Variants in DYNC2I1 observed in about 807,000 individuals in gnomAD.
The protein encoded by DYNC2I1 is cytoplasmic dynein 2 intermediate chain 1.
Under a neutral mutation model 133.4 loss-of-function variants are expected in DYNC2I1, and 89 were observed. The ratio of observed to expected loss-of-function variants is 0.67; its 90% CI spans 0.56 to 0.80. The LOEUF (loss-of-function observed/expected upper bound fraction) is 0.80, where lower values mean the gene tolerates loss of function less well. Among genes scored for constraint, DYNC2I1 ranks in the 30% least tolerant of loss-of-function variants. The pLI, the probability that DYNC2I1 is intolerant of heterozygous loss-of-function variation, is 0.00. For synonymous variants in DYNC2I1, 504 were observed against 484.3 expected (o/e 1.04, Z -0.54); for missense variants, 1,291 against 1,314.5 (o/e 0.98, Z 0.28).
chr7:158,927,096 T>C, intron 20 of DYNC2I1, 53 bp downstream of exon 20: 1 of 1,334,678 alleles, frequency 7.5e-7, no homozygotes, highest in African/African-American at 1.5e-5. Context: ...TGAATCGAGA[T>C]TAAAAGTACT....
chr7:158,922,355 A>C (rs1481053210), intron 15 of DYNC2I1, 22 bp from the exon 16 acceptor site: 2 of 1,605,164 alleles, frequency 1.2e-6, no homozygotes, highest in Non-Finnish European at 1.7e-6. Context: ...TTGAAATGTG[A>C]ACATATTTTT....
At chr7:158,843,083 A>G in the DYNC2I1 span, among the ~76,000 whole-genome samples, 1 of 152,166 alleles carries the variant, frequency 6.6e-6, no homozygotes, top group African/African-American at 2.4e-5. Flanking sequence ...CACCTTGCTG[A>G]AGATTGGCTT....
At chr7:158,856,545 G>C (rs909081962), upstream of DYNC2I1, 4 of 488,100 alleles carry the variant, frequency 8.2e-6, no homozygotes, top group African/African-American at 6.0e-5. Context: ...TGCCGGGGAT[G>C]CGCAGGCGCA....
At chr7:158,885,870 A>G (rs938613300) in intron 6 of DYNC2I1, among the ~76,000 whole-genome samples, 1 of 152,034 alleles carries the variant, frequency 6.6e-6, no homozygotes, top group African/African-American at 2.4e-5. Context: ...TTTTTGTTAA[A>G]CCGCATGGTA....
intron 8 of DYNC2I1, among the ~76,000 whole-genome samples, chr7:158,896,739 C>G (rs1450338780): frequency 2.0e-5 from 3 of 152,124 alleles, no homozygotes; most frequent in Non-Finnish European, 4.4e-5. Context: ...TCCCAGAGTG[C>G]TGGGATTACA....
chr7:158,910,341 C>T (rs1361201485), intron 11 of DYNC2I1, among the ~76,000 whole-genome samples: 2 of 146,330 alleles, frequency 1.4e-5, no homozygotes, highest in African/African-American at 5.2e-5. Flanking sequence ...GTGGGTGGAG[C>T]ATGATGGGCT....
chr7:158,855,385 C>T (rs1403432171), upstream of DYNC2I1, among the ~76,000 whole-genome samples: 2 of 152,144 alleles, frequency 1.3e-5, no homozygotes, highest in Admixed American at 1.3e-4. Flanking sequence ...GCTGATCCAT[C>T]AAGTGCAGGT....
chr7:158,862,567 A>AG, intron 1 of DYNC2I1, among the ~76,000 whole-genome samples: 1 of 151,360 alleles, frequency 6.6e-6, no homozygotes, highest in Non-Finnish European at 1.5e-5. Flanking sequence ...AAAAAAAAAA[A>AG]AAAAAGCCTG....
intron 8 of DYNC2I1, among the ~76,000 whole-genome samples, chr7:158,901,199 T>C (rs201461165): frequency 1.3e-5 from 2 of 152,098 alleles, no homozygotes; most frequent in East Asian, 3.9e-4. Context: ...GCCTCTGGAG[T>C]AGCTGGGAAC....
At chr7:158,850,918 T>A in the DYNC2I1 span, among the ~76,000 whole-genome samples, 1 of 151,602 alleles carries the variant, frequency 6.6e-6, no homozygotes, top group Non-Finnish European at 1.5e-5. Flanking sequence ...GCTGCTGGAG[T>A]CTACGGAGCC....
upstream of DYNC2I1, chr7:158,856,554 C>G: frequency 1.9e-6 from 1 of 536,828 alleles, no homozygotes. Flanking sequence ...TGCGCAGGCG[C>G]ACTGGGAGAG....
At chr7:158,938,645 A>G (rs1851018747) in intron 23 of DYNC2I1, among the ~76,000 whole-genome samples, 1 of 152,188 alleles carries the variant, frequency 6.6e-6, no homozygotes, top group Non-Finnish European at 1.5e-5. Flanking sequence ...AATCCCAGCT[A>G]CTAAGGAAGC....
chr7:158,926,240 A>G lies in DYNC2I1; in HGVS notation c.2311A>G (p.Ile771Val). The part of the protein sequence containing the change: ...HRSPLQAVEP[I>V]STSVHKKQSF... ...AAGCCCTCTTCAAGCAGTAGAACCTATCTCAACGTCCGTCCACAAAAAGCA... is the reference window on the plus strand; with the variant it reads ...AAGCCCTCTTCAAGCAGTAGAACCTGTCTCAACGTCCGTCCACAAAAAGCA... Residue 771 changes from isoleucine to valine, a missense_variant, in exon 18 of 25, where the codon ATC becomes GTC. Physicochemically the swap from Ile to Val is conservative, Grantham distance 29. Coordinates refer to ENST00000407559, the MANE Select transcript of DYNC2I1 (RefSeq NM_018051.5). 1.2e-6 allele frequency: 2 copies of G among 1,613,652 alleles called. No individual in the cohort carries two copies. The highest frequency in any genetic ancestry group is 1.7e-6 in the Non-Finnish European group (2 of 1,179,774).
intron 14 of DYNC2I1, among the ~76,000 whole-genome samples, chr7:158,914,864 A>G (rs994949826): frequency 6.6e-6 from 1 of 152,234 alleles, no homozygotes; most frequent in African/African-American, 2.4e-5. Flanking sequence ...TTTGCCTCCA[A>G]ATACAGTTCA....
intron 1 of DYNC2I1, among the ~76,000 whole-genome samples, chr7:158,858,432 T>C (rs955129615): frequency 6.6e-6 from 1 of 152,214 alleles, no homozygotes; most frequent in African/African-American, 2.4e-5. Flanking sequence ...AAAGGGGTCA[T>C]CTTTTGTTAC....
chr7:158,932,908 G>T (rs1272779337), intron 21 of DYNC2I1, among the ~76,000 whole-genome samples: 1 of 152,224 alleles, frequency 6.6e-6, no homozygotes, highest in African/African-American at 2.4e-5. Context: ...TGTCTGGTTG[G>T]TGACTGGGCA....
intron 10 of DYNC2I1, chr7:158,903,722 G>A (rs1171887225): frequency 6.6e-6 from 1 of 152,194 alleles, no homozygotes; most frequent in African/African-American, 2.4e-5. Flanking sequence ...GAGGGTCTTT[G>A]TGCCACCAGC....
rs149876298 is a variant in DYNC2I1, at chr7:158,867,695, C to T, written c.16-2160C>T. ...CAGTCCTCACGCTCTCTGAAGGTTG[C>T]GTTGGGCTGAGGGGCCCTTCTGACG... On this transcript the variant is annotated intron_variant, in intron 1 of 24. Coordinates refer to ENST00000407559, the MANE Select transcript of DYNC2I1 (RefSeq NM_018051.5). Among the ~76,000 whole-genome samples the T allele has an allele frequency of 4.6e-5, 7 of 152,206 alleles. No homozygotes were observed. In the East Asian group the frequency reaches 9.7e-4, roughly 21 times the overall value.
chr7:158,894,427 G>T (rs1239441445), intron 8 of DYNC2I1, among the ~76,000 whole-genome samples: 1 of 152,206 alleles, frequency 6.6e-6, no homozygotes, highest in African/African-American at 2.4e-5. Flanking sequence ...CAGATTGTCT[G>T]TAGTTAGAAT....
Sources: gnomAD v4.1 joint callset for allele counts (sites outside exome capture counted in the v4.1 genomes callset) on GRCh38, gnomAD v4.1.1 for gene constraint, MANE v1.5 for transcripts, NCBI Gene and HGNC (gene_info 2026-07-23, HGNC 2026-07-21) for gene names.